The following ATP2B4 variants were observed in gnomAD, a reference collection of about 807,000 sequenced individuals.
The protein encoded by ATP2B4 is plasma membrane calcium-transporting ATPase 4.
ATP2B4 carries 39 observed loss-of-function variants against 110.3 expected under a neutral mutation model. The ratio of observed to expected loss-of-function variants is 0.35; its 90% CI spans 0.27 to 0.46. The LOEUF (loss-of-function observed/expected upper bound fraction) is 0.46. ATP2B4 is among the 20% of genes least tolerant of loss of function. The pLI, the probability that ATP2B4 is intolerant of heterozygous loss-of-function variation, is 1.00. For missense variants in ATP2B4, 1,135 were observed against 1,530.9 expected, an observed-to-expected ratio of 0.74 and a Z score of 4.32; for synonymous variants, 538 against 571.7, an observed-to-expected ratio of 0.94 and a Z score of 0.84.
rs375245181 is a variant in ATP2B4, at chr1:203,721,312, A to G, written c.2714A>G (p.Tyr905Cys). ...PTESLLKRRPYGRNKPLISRT... is the reference protein window; with the variant it reads ...PTESLLKRRPCGRNKPLISRT... Reference sequence around the variant, plus strand: ...GAATCTCTGTTGAAGCGGCGCCCCTATGGCCGAAATAAGCCTCTGATCTCA... The same window carrying G: ...GAATCTCTGTTGAAGCGGCGCCCCTGTGGCCGAAATAAGCCTCTGATCTCA... Residue 905 changes from tyrosine to cysteine, a missense_variant, in exon 17 of 21, where the codon TAT becomes TGT. Tyr to Cys is a radical substitution (Grantham distance 194, BLOSUM62 -2). Coordinates refer to ENST00000357681, the MANE Select transcript of ATP2B4 (RefSeq NM_001684.5). The G allele has an allele frequency of 1.4e-5, 22 of 1,614,058 alleles. No individual in the cohort carries two copies. The highest frequency in any genetic ancestry group is 5.3e-5 in the African/African-American group (4 of 74,914).
At chr1:203,707,354 G>T (rs1269172758) in intron 9 of ATP2B4, 131 bp downstream of exon 9, 8 of 787,880 alleles carry the variant, frequency 1.0e-5, no homozygotes, top group African/African-American at 3.5e-5. Flanking sequence ...AAGAGCAGAA[G>T]TCCCTGGTAT....
chr1:203,704,253 G>C (rs1275120771), intron 8 of ATP2B4, among the ~76,000 whole-genome samples: 1 of 152,104 alleles, frequency 6.6e-6, no homozygotes, highest in Non-Finnish European at 1.5e-5. Context: ...ACCAAGTAAG[G>C]ACTGGAGGAA....
At chr1:203,657,583 G>T in intron 1 of ATP2B4, 1 of 950,480 alleles carries the variant, frequency 1.1e-6, no homozygotes, top group South Asian at 1.3e-5. Flanking sequence ...TTCTCAGCAT[G>T]ACACTGTTTA....
At position 203,721,943 on chromosome 1, in the gene ATP2B4, G is replaced by A. The variant is rs150964265; in HGVS notation, c.2812+533G>A. 4.6e-5 allele frequency among the ~76,000 whole-genome samples: 7 copies of A among 152,198 alleles called. No homozygotes were observed. The East Asian group carries it at 1.4e-3, about 29-fold the overall frequency. The stretch of plus-strand genomic sequence containing the variant: ...CCCAGAGTGCTGGGATTACAGGCAT[G>A]AGCCACCACGCCTGGCTTATTTCTT... On this transcript the variant is annotated intron_variant, in intron 17 of 20. Transcript: ENST00000357681.
intron 1 of ATP2B4, among the ~76,000 whole-genome samples, chr1:203,656,680 G>T (rs181216574): frequency 1.3e-5 from 2 of 152,122 alleles, no homozygotes; most frequent in African/African-American, 4.8e-5. Flanking sequence ...CATTTTCAAC[G>T]GAACTGGTGG....
intron 1 of ATP2B4, among the ~76,000 whole-genome samples, chr1:203,631,993 C>T (rs991267298): frequency 6.6e-6 from 1 of 151,928 alleles, no homozygotes; most frequent in African/African-American, 2.4e-5. Flanking sequence ...GGGGTTTCAC[C>T]GTGTTGCCCA....
rs761755647 is a variant in ATP2B4, at chr1:203,720,620, T to C, written c.2478T>C (p.Ile826=). The C allele has an allele frequency of 2.5e-6, 4 of 1,613,870 alleles. No individual in the cohort carries two copies. In the South Asian group the frequency reaches 3.3e-5, roughly 13 times the overall value. The change falls in exon 16 of 21, where the codon ATT becomes ATC. Residue 826 remains isoleucine (I), a synonymous_variant. Coordinates refer to ENST00000357681, the MANE Select transcript of ATP2B4 (RefSeq NM_001684.5). ...IILTDDNFTS[I]VKAVMWGRNV... is the part of the protein sequence containing the mutation. ...TAACAGATGACAACTTCACCAGCAT[T>C]GTGAAGGCAGTGATGTGGGGACGAA... is the stretch of plus-strand genomic sequence containing the variant.
chr1:203,648,635 A>G (rs1663885367), intron 1 of ATP2B4, among the ~76,000 whole-genome samples: 1 of 152,216 alleles, frequency 6.6e-6, no homozygotes, highest in African/African-American at 2.4e-5. Flanking sequence ...CAGGGCCAGG[A>G]CATGGAGTCT....
chr1:203,707,300 A>C, intron 9 of ATP2B4, 77 bp downstream of exon 9: 2 of 1,404,338 alleles, frequency 1.4e-6, no homozygotes, highest in Non-Finnish European at 1.9e-6. Context: ...TTTAGTGAAA[A>C]GATAAGCCAT....
chr1:203,657,135 G>A (rs983339100), intron 1 of ATP2B4: 1 of 833,116 alleles, frequency 1.2e-6, no homozygotes, highest in Non-Finnish European at 2.1e-6. Context: ...TATACGGTGG[G>A]GATGAGGGAT....
intron 2 of ATP2B4, among the ~76,000 whole-genome samples, chr1:203,694,792 G>A (rs1665484082): frequency 6.6e-6 from 1 of 152,120 alleles, no homozygotes; most frequent in Admixed American, 6.6e-5. Flanking sequence ...AGGGAGGGTG[G>A]AGGCAAGGAG....
rs865884095 is a variant in ATP2B4 at position 203,677,495 on chromosome 1, C to T, written c.-464-5247C>T. ...TTTGTTTGTTTCTGAAGCAGAGTCT[C>T]GCTGTCACCCAGGCGGGAGTGCAGT... On this transcript the variant is annotated intron_variant, in intron 1 of 20. Transcript: ENST00000357681. 4.6e-5 allele frequency among the ~76,000 whole-genome samples: 7 copies of T among 152,282 alleles called. No homozygotes were observed. The South Asian group carries it at 8.3e-4, about 18-fold the overall frequency.
chr1:203,641,678 C>T (rs2102306102), intron 1 of ATP2B4, among the ~76,000 whole-genome samples: 1 of 152,262 alleles, frequency 6.6e-6, no homozygotes, highest in East Asian at 1.9e-4. Context: ...TCCCATTTTA[C>T]AGATAAGAAA....
At chr1:203,711,431 C>T (rs2102400888) in intron 12 of ATP2B4, among the ~76,000 whole-genome samples, 1 of 152,194 alleles carries the variant, frequency 6.6e-6, no homozygotes, top group East Asian at 1.9e-4. Flanking sequence ...TTTTGAGTAC[C>T]TGCTGTGTGC....
chr1:203,738,829 A>G (rs1571785561), intron 20 of ATP2B4, among the ~76,000 whole-genome samples: 1 of 152,302 alleles, frequency 6.6e-6, no homozygotes, highest in Admixed American at 6.5e-5. Flanking sequence ...GGGCTGAAGG[A>G]GTGAAGTTCT....
At position 203,743,034 on chromosome 1, in the gene ATP2B4, C is replaced by T. The variant is rs1667024354; in HGVS notation, c.*3180C>T. 6.6e-6 allele frequency: 1 copy of T among 152,656 alleles called. No individual in the cohort carries two copies. The highest frequency in any genetic ancestry group is 1.5e-5 in the Non-Finnish European group (1 of 68,058). The allele number at this position is 152,656 out of a possible 1,614,324, so 9.5% of individuals were successfully genotyped here. A position where few individuals can be genotyped will look rare whatever the true frequency, so the allele number is the denominator to read the frequency against. The stretch of plus-strand genomic sequence containing the variant: ...CTGTCCTCTGGAATGACTCTCCTGT[C>T]CCTAAAGGGGTTAAGAGAGAGATCA... On this transcript the variant is annotated 3_prime_UTR_variant, in exon 21 of 21. Coordinates refer to ENST00000357681, the MANE Select transcript of ATP2B4 (RefSeq NM_001684.5).
chr1:203,729,275 G>A (rs544334730), intron 20 of ATP2B4, among the ~76,000 whole-genome samples: 9 of 151,974 alleles, frequency 5.9e-5, no homozygotes, highest in Admixed American at 1.3e-4. Context: ...GGCCGGGTGC[G>A]GTGGCTCACG....
chr1:203,669,370 C>T (rs946636886), intron 1 of ATP2B4, among the ~76,000 whole-genome samples: 1 of 152,120 alleles, frequency 6.6e-6, no homozygotes, highest in African/African-American at 2.4e-5. Context: ...AGGAGTGGTG[C>T]CTGGGTCTTA....
At chr1:203,657,601 G>A in intron 1 of ATP2B4, 1 of 974,426 alleles carries the variant, frequency 1.0e-6, no homozygotes, top group Non-Finnish European at 1.7e-6. Flanking sequence ...TTAAGGTAAA[G>A]CTTAGCCTTC....
Sources: gnomAD v4.1 joint callset for allele counts (sites outside exome capture counted in the v4.1 genomes callset) on GRCh38, gnomAD v4.1.1 for gene constraint, MANE v1.5 for transcripts, NCBI Gene and HGNC (gene_info 2026-07-23, HGNC 2026-07-21) for gene names.